Variants in CAMLG observed in about 807,000 individuals in gnomAD.
The protein encoded by CAMLG is calcium modulating ligand, also known as guided entry of tail-anchored proteins factor CAMLG.
CAMLG carries 23 observed loss-of-function variants against 28.9 expected under a neutral mutation model. The ratio of observed to expected loss-of-function variants is 0.80; its 90% CI spans 0.57 to 1.13. The LOEUF is 1.13. CAMLG is among the 50% of genes most tolerant of loss of function. The pLI is 0.00. For synonymous variants in CAMLG, 141 were observed against 146.5 expected (o/e 0.96, Z 0.27); for missense variants, 367 against 371.9 (o/e 0.99, Z 0.11).
At chr5:134,749,102 C>T (rs1352485313) in intron 3 of CAMLG, among the ~76,000 whole-genome samples, 1 of 148,546 alleles carries the variant, frequency 6.7e-6, no homozygotes, top group Admixed American at 6.8e-5. Flanking sequence ...GAGCTTTGCT[C>T]TGTCACCCAG....
In CAMLG at chr5:134,738,756, C is replaced by G; in HGVS notation, c.136C>G (p.Arg46Gly). The G allele has an allele frequency of 6.2e-7, 1 of 1,614,132 alleles. No homozygotes were observed. Among genetic ancestry groups the G allele is most frequent in the East Asian group, 2.2e-5 (1 of 44,872 alleles). Residue 46 changes from arginine (R) to glycine (G), a missense_variant, in exon 1 of 4, where the codon CGG becomes GGG. Transcript: ENST00000297156. ...CATGAACTCGGAACAGCGCATCAACCGGATCATGGGCTTTCACAGGCCCGG... is the reference window on the plus strand; with the variant it reads ...CATGAACTCGGAACAGCGCATCAACGGGATCATGGGCTTTCACAGGCCCGG... ...LLMNSEQRINRIMGFHRPGSG... is the reference protein window; with the variant it reads ...LLMNSEQRINGIMGFHRPGSG...
chr5:134,742,750 CTT>C (rs879560904), intron 2 of CAMLG, among the ~76,000 whole-genome samples: 2 of 146,890 alleles, frequency 1.4e-5, no homozygotes, highest in Non-Finnish European at 3.0e-5. Flanking sequence ...TTTTGTAAAT[CTT>C]TTTTTTTTTG....
chr5:134,741,450 CTT>C lies in CAMLG; in HGVS notation c.563_564del (p.Phe188SerfsTer4). ...GGAAATACAACAGAAGAATTTGACTCTTTTCGAATATTTAGATTGGTGGGATG... is the reference window on the plus strand; with the variant it reads ...GGAAATACAACAGAAGAATTTGACTCTTCGAATATTTAGATTGGTGGGATG... On this transcript the variant is annotated frameshift_variant, in exon 2 of 4. Coordinates refer to ENST00000297156, the MANE Select transcript of CAMLG (RefSeq NM_001745.4). LOFTEE classifies it high-confidence loss of function. 6.2e-7 allele frequency: 1 copy of C among 1,614,026 alleles called. No homozygotes were observed. Among genetic ancestry groups the C allele is most frequent in the Non-Finnish European group, 8.5e-7 (1 of 1,179,874 alleles).
Position 134,751,871 on chromosome 5 carries a change from A to AG in CAMLG, c.*924dup, listed in dbSNP as rs1356796159. ...AATTTTTATATTCTTTAGTAAAGACAGGGTTTCTCCATGTTGGTCAGGCTG... is the reference window on the plus strand; with the variant it reads ...AATTTTTATATTCTTTAGTAAAGACAGGGGTTTCTCCATGTTGGTCAGGCTG... On this transcript the variant is annotated 3_prime_UTR_variant, in exon 4 of 4. Transcript: ENST00000297156. The AG allele has an allele frequency of 3.3e-5, 5 of 152,306 alleles. No individual in the cohort carries two copies. The East Asian group carries it at 7.7e-4, about 24-fold the overall frequency. 9.4% of individuals were successfully genotyped at this position (152,306 alleles called of 1,614,324 possible). A position where few individuals can be genotyped will look rare whatever the true frequency, so the allele number is the denominator to read the frequency against.
intron 2 of CAMLG, among the ~76,000 whole-genome samples, chr5:134,742,478 G>T (rs1005402442): frequency 2.0e-5 from 3 of 152,176 alleles, no homozygotes; most frequent in African/African-American, 7.2e-5. Context: ...GTAAAATGCA[G>T]TTCCTCTGGT....
Position 134,738,791 on chromosome 5 carries a change from G to T in CAMLG, c.171G>T (p.Ala57=), listed in dbSNP as rs185566687. 2,817 of 1,613,852 alleles carry T rather than the reference G, an allele frequency of 1.7e-3. 49 individuals are homozygous for T. The highest frequency in any genetic ancestry group is 3.3e-4 in the Non-Finnish European group (386 of 1,179,894). ...GCTTTCACAGGCCCGGGAGCGGCGC[G>T]GGTAAGAGCCTCGATTTCCCCTCAG... ...IMGFHRPGSG[A]EEESQTKSKQ... The change falls in exon 1 of 4, where the codon GCG becomes GCT. Residue 57 remains alanine (A), a splice_region_variant and synonymous_variant. Coordinates refer to ENST00000297156, the MANE Select transcript of CAMLG (RefSeq NM_001745.4).
Position 134,752,019 on chromosome 5 carries a change from A to AT in CAMLG, c.*1073dup, listed in dbSNP as rs1239220476. 19 of 152,240 alleles carry AT rather than the reference A, an allele frequency of 1.2e-4. No homozygotes were observed. Among genetic ancestry groups the AT allele is most frequent in the African/African-American group, 4.6e-4 (19 of 41,564 alleles). The allele number at this position is 152,240 out of a possible 1,614,324, so 9.4% of individuals were successfully genotyped here. A position where few individuals can be genotyped will look rare whatever the true frequency, so the allele number is the denominator to read the frequency against. The stretch of plus-strand genomic sequence containing the variant: ...TTTTAACTAACTCAGTAACTGCCAT[A>AT]TTTTGTTGGGTTGTCTTCTTAAAAG... On this transcript the variant is annotated 3_prime_UTR_variant, in exon 4 of 4. Coordinates refer to ENST00000297156, the MANE Select transcript of CAMLG (RefSeq NM_001745.4).
chr5:134,739,056 T>TA (rs1283059359), intron 1 of CAMLG, among the ~76,000 whole-genome samples: 5 of 152,202 alleles, frequency 3.3e-5, no homozygotes, highest in African/African-American at 1.2e-4. Context: ...TCTTCCCAGT[T>TA]ACGTTGAACA....
rs1462542052 is a variant in CAMLG, at chr5:134,751,154, G to C, written c.*204G>C. ...TGTATTATTACTGATATGAAGAATAGAGTACCAATGTCATTAATTGATTTT... is the reference window on the plus strand; with the variant it reads ...TGTATTATTACTGATATGAAGAATACAGTACCAATGTCATTAATTGATTTT... On this transcript the variant is annotated 3_prime_UTR_variant, in exon 4 of 4. Transcript: ENST00000297156. 3 of 447,222 alleles carry C rather than the reference G, an allele frequency of 6.7e-6. No individual in the cohort carries two copies. Among genetic ancestry groups the C allele is most frequent in the Non-Finnish European group, 1.2e-5 (3 of 252,562 alleles). The allele number at this position is 447,222 out of a possible 1,614,324, so 27.7% of individuals were successfully genotyped here.
At position 134,750,771 on chromosome 5, in the gene CAMLG, A is replaced by T; in HGVS notation, c.712A>T (p.Ile238Leu). ...YKYFPKSEKK[I>L]KTTVLTAALL... Reference sequence around the variant, plus strand: ...TTTCTCTACACAGAGTGAAAAGAAGATAAAGACAACAGTACTAACAGCTGC... The same window carrying T: ...TTTCTCTACACAGAGTGAAAAGAAGTTAAAGACAACAGTACTAACAGCTGC... The change falls in exon 4 of 4, where the codon ATA (isoleucine) becomes TTA (leucine). Residue 238 changes from isoleucine (I) to leucine (L), a missense_variant. Coordinates refer to ENST00000297156, the MANE Select transcript of CAMLG (RefSeq NM_001745.4). 1 of 1,612,378 alleles carries T rather than the reference A, an allele frequency of 6.2e-7. No individual in the cohort carries two copies. Among genetic ancestry groups the T allele is most frequent in the Non-Finnish European group, 8.5e-7 (1 of 1,178,822 alleles).
At position 134,750,833 on chromosome 5, in the gene CAMLG, T is replaced by C. The variant is rs1486372138; in HGVS notation, c.774T>C (p.Asn258=). ...LLSGIPAEVI[N]RSMDTYSKMG... is the part of the protein sequence containing the mutation. ...CGGGAATTCCTGCCGAAGTGATAAA[T>C]CGATCAATGGATACCTATAGCAAAA... The change falls in exon 4 of 4, where the codon AAT becomes AAC. Residue 258 remains asparagine, a synonymous_variant. Coordinates refer to ENST00000297156, the MANE Select transcript of CAMLG (RefSeq NM_001745.4). 2 of 1,613,776 alleles carry C rather than the reference T, an allele frequency of 1.2e-6. No homozygotes were observed. The highest frequency in any genetic ancestry group is 1.7e-6 in the Non-Finnish European group (2 of 1,179,816).
intron 3 of CAMLG, among the ~76,000 whole-genome samples, chr5:134,745,842 TA>T (rs1031251257): frequency 1.2e-3 from 166 of 141,128 alleles, no homozygotes; most frequent in Admixed American, 1.1e-3. Flanking sequence ...GTGACTACAT[TA>T]AAAAAAAAAA....
Position 134,750,801 on chromosome 5 carries a change from C to T in CAMLG, c.742C>T (p.Leu248=). The change falls in exon 4 of 4, where the codon CTA becomes TTA. Residue 248 remains leucine (L), a synonymous_variant. Transcript: ENST00000297156. ...IKTTVLTAAL[L]LSGIPAEVIN... ...GACAACAGTACTAACAGCTGCACTT[C>T]TATTGTCGGGAATTCCTGCCGAAGT... is the stretch of plus-strand genomic sequence containing the variant. 2.5e-6 allele frequency: 4 copies of T among 1,613,900 alleles called. No individual in the cohort carries two copies. Among genetic ancestry groups the T allele is most frequent in the Non-Finnish European group, 3.4e-6 (4 of 1,179,822 alleles).
intron 1 of CAMLG, 73 bp downstream of exon 1, chr5:134,738,865 C>T: frequency 3.5e-6 from 5 of 1,414,052 alleles, no homozygotes; most frequent in Non-Finnish European, 5.0e-6. Flanking sequence ...CCCTCTCCCA[C>T]CTCCACTCCT....
rs1167374558 is a variant in CAMLG, at chr5:134,750,913, A to C, written c.854A>C (p.His285Pro). The change falls in exon 4 of 4, where the codon CAT becomes CCT. Residue 285 changes from histidine (H) to proline (P), a missense_variant. By Grantham distance (77) the His-to-Pro change is moderately conservative (BLOSUM62 -2). Coordinates refer to ENST00000297156, the MANE Select transcript of CAMLG (RefSeq NM_001745.4). ...TACTTTTTCACTTTTATCTTTTGTCATGAACTGCTTGATTATTGGGGCTCT... is the reference window on the plus strand; with the variant it reads ...TACTTTTTCACTTTTATCTTTTGTCCTGAACTGCTTGATTATTGGGGCTCT... ...CVYFFTFIFCHELLDYWGSEV... is the reference protein window; with the variant it reads ...CVYFFTFIFCPELLDYWGSEV... The C allele has an allele frequency of 1.2e-6, 2 of 1,613,880 alleles. No homozygotes were observed. Among genetic ancestry groups the C allele is most frequent in the Admixed American group, 1.7e-5 (1 of 59,960 alleles).
Position 134,738,718 on chromosome 5 carries a change from G to A in CAMLG, c.98G>A (p.Arg33Gln). 2 of 1,613,968 alleles carry A rather than the reference G, an allele frequency of 1.2e-6. No individual in the cohort carries two copies. Among genetic ancestry groups the A allele is most frequent in the East Asian group, 2.2e-5 (1 of 44,864 alleles). ...SASQRRAELR[R>Q]RKLLMNSEQR... is the part of the protein sequence containing the mutation. ...TCCCAGCGTCGGGCGGAGCTGCGTC[G>A]GAGAAAGCTGCTCATGAACTCGGAA... The change falls in exon 1 of 4, where the codon CGG (arginine) becomes CAG (glutamine). Residue 33 changes from arginine (R) to glutamine (Q), a missense_variant. Arg to Gln is a conservative substitution (Grantham distance 43, BLOSUM62 1). Coordinates refer to ENST00000297156, the MANE Select transcript of CAMLG (RefSeq NM_001745.4).
chr5:134,742,119 C>T (rs1016684216), intron 2 of CAMLG, among the ~76,000 whole-genome samples: 3 of 152,054 alleles, frequency 2.0e-5, no homozygotes, highest in Admixed American at 6.6e-5. Flanking sequence ...TTTACTGTGC[C>T]GTTTTACATA....
At chr5:134,740,467 C>T (rs953016392) in intron 1 of CAMLG, among the ~76,000 whole-genome samples, 6 of 152,180 alleles carry the variant, frequency 3.9e-5, no homozygotes, top group Non-Finnish European at 8.8e-5. Context: ...CAGCTTGCTC[C>T]ATCTCTGAAT....
chr5:134,750,148 C>T (rs1753097478), intron 3 of CAMLG, among the ~76,000 whole-genome samples: 1 of 152,162 alleles, frequency 6.6e-6, no homozygotes, highest in Non-Finnish European at 1.5e-5. Context: ...TATGTCCTGT[C>T]TAGTAATATT....
Sources: allele counts gnomAD v4.1 joint callset (sites outside exome capture counted in the v4.1 genomes callset), GRCh38; gene constraint gnomAD v4.1.1; transcripts MANE v1.5; gene names NCBI Gene and HGNC (gene_info 2026-07-23, HGNC 2026-07-21).